CUX1: variants seen among roughly 807,000 people sequenced by gnomAD.
CUX1 encodes protein CASP.
In CUX1, 31 loss-of-function variants were observed where a neutral mutation model predicts 158.8. That is an observed-to-expected ratio of 0.20 (90% CI 0.15 to 0.26). CUX1 has a LOEUF of 0.26. Among genes scored for constraint, CUX1 ranks in the 10% least tolerant of loss-of-function variants. The probability of loss-of-function intolerance (pLI) is 1.00; values close to 1 mark genes in which losing one functional copy is unlikely to be tolerated. For synonymous variants in CUX1, 879 were observed against 862.1 expected (o/e 1.02, Z -0.34); for missense variants, 1,589 against 2,014.6 (o/e 0.79, Z 4.04).
intron 3 of CUX1, among the ~76,000 whole-genome samples, chr7:102,059,026 C>G (rs1462422674): frequency 3.3e-5 from 5 of 152,210 alleles, no homozygotes; most frequent in Non-Finnish European, 2.9e-5. Flanking sequence ...GGCAGGTTTC[C>G]CTGTTGTCTA....
chr7:102,178,389 G>A, intron 10 of CUX1, 80 bp from the exon 11 acceptor site: 1 of 1,338,546 alleles, frequency 7.5e-7, no homozygotes, highest in South Asian at 1.4e-5. Context: ...TGCAGCTTCT[G>A]TCTCAGTTGC....
At chr7:102,198,923 C>A in intron 16 of CUX1, 56 bp downstream of exon 16, 1 of 1,488,826 alleles carries the variant, frequency 6.7e-7, no homozygotes. Flanking sequence ...AGCAGCATGT[C>A]CTTAGCTGTG....
At chr7:102,240,876 A>T (rs1800127908) in intron 23 of CUX1, among the ~76,000 whole-genome samples, 1 of 152,112 alleles carries the variant, frequency 6.6e-6, no homozygotes, top group African/African-American at 2.4e-5. Context: ...GTTGGAGTGC[A>T]GTGGCACGAT....
chr7:102,250,072 AAAG>A lies in CUX1; in HGVS notation c.*1033_*1035del, dbSNP rs1473278693. ...AAAAAGAAAAAAAAAGAAAAAAAAAAAAGAAAAGATCCGAATCTAGGTATTTTA... is the reference window on the plus strand; with the variant it reads ...AAAAAGAAAAAAAAAGAAAAAAAAAAAAAAGATCCGAATCTAGGTATTTTA... On this transcript the variant is annotated 3_prime_UTR_variant, in exon 24 of 24. Coordinates refer to ENST00000292535, the MANE Select transcript of CUX1 (RefSeq NM_181552.4). 2.1e-5 allele frequency: 21 copies of A among 985,022 alleles called. No individual in the cohort carries two copies. In the Admixed American group the frequency reaches 2.5e-4, roughly 12 times the overall value. 61.0% of individuals were successfully genotyped at this position (985,022 alleles called of 1,614,324 possible).
chr7:101,861,062 C>A (rs151067019), intron 1 of CUX1, among the ~76,000 whole-genome samples: 55 of 152,266 alleles, frequency 3.6e-4, no homozygotes, highest in Admixed American at 6.5e-4. Context: ...GGTTTATAGG[C>A]TGAGCCACTG....
chr7:102,229,203 A>G (rs1408758511), intron 21 of CUX1, among the ~76,000 whole-genome samples: 2 of 151,958 alleles, frequency 1.3e-5, no homozygotes, highest in African/African-American at 4.8e-5. Context: ...GGCCTGGCAC[A>G]TGCTCTAGCC....
intron 3 of CUX1, among the ~76,000 whole-genome samples, chr7:102,067,229 C>CTT (rs34912215): frequency 0.059 from 5,531 of 93,954 alleles, 409 homozygotes; most frequent in African/African-American, 0.071. Context: ...TTTCATGTAA[C>CTT]TTTTTTTTTT....
chr7:102,164,434 TCTC>T (rs1294674569), intron 9 of CUX1, among the ~76,000 whole-genome samples: 3 of 152,336 alleles, frequency 2.0e-5, no homozygotes, highest in Middle Eastern at 3.4e-3. Flanking sequence ...AGTGGCATGT[TCTC>T]CTAGCCCACA....
intron 7 of CUX1, 64 bp downstream of exon 7, chr7:102,111,838 C>G: frequency 7.0e-7 from 1 of 1,419,432 alleles, no homozygotes; most frequent in Non-Finnish European, 9.9e-7. Flanking sequence ...GTTGGGTCAG[C>G]CCCTGACCGC....
intron 8 of CUX1, among the ~76,000 whole-genome samples, chr7:102,132,327 GC>G (rs113561735): frequency 0.99 from 148,081 of 149,018 alleles, 73,572 homozygotes; most frequent in Middle Eastern, 1. Flanking sequence ...GCGCGCGCAC[GC>G]CACGCACACA....
chr7:102,116,184 C>T (rs1831422978), intron 8 of CUX1, among the ~76,000 whole-genome samples: 1 of 152,170 alleles, frequency 6.6e-6, no homozygotes, highest in African/African-American at 2.4e-5. Context: ...CTTACTGTCC[C>T]TCTGCCCCAT....
rs1554542046 is a variant in CUX1 at position 102,256,410 on chromosome 7, T to C, written c.*7368T>C. On this transcript the variant is annotated 3_prime_UTR_variant, in exon 24 of 24. Coordinates refer to ENST00000292535, the MANE Select transcript of CUX1 (RefSeq NM_181552.4). ...ATTGTTATTTTGTGTTTTGTTGTCA[T>C]AAATGCTTTTTGCTGTCACTCTAGT... The C allele has an allele frequency of 1.0e-6, 1 of 985,320 alleles. No individual in the cohort carries two copies. The highest frequency in any genetic ancestry group is 1.2e-6 in the Non-Finnish European group (1 of 829,924). 61.0% of individuals were successfully genotyped at this position (985,320 alleles called of 1,614,324 possible).
chr7:101,925,251 G>A (rs903434839), intron 2 of CUX1, among the ~76,000 whole-genome samples: 1 of 152,200 alleles, frequency 6.6e-6, no homozygotes, highest in East Asian at 1.9e-4. Context: ...TGGGACTACA[G>A]GCATGTGCCA....
chr7:101,910,575 G>A (rs1055514173), intron 1 of CUX1, among the ~76,000 whole-genome samples: 1 of 152,042 alleles, frequency 6.6e-6, no homozygotes, highest in Non-Finnish European at 1.5e-5. Flanking sequence ...GGCCAACAAG[G>A]CGAAACCCCC....
chr7:102,073,743 C>T (rs1318331078), intron 4 of CUX1, among the ~76,000 whole-genome samples: 1 of 151,920 alleles, frequency 6.6e-6, no homozygotes, highest in Non-Finnish European at 1.5e-5. Flanking sequence ...CATATTCTGC[C>T]TTTCTCACTT....
At chr7:101,898,254 C>G (rs2131715583) in intron 1 of CUX1, among the ~76,000 whole-genome samples, 1 of 152,320 alleles carries the variant, frequency 6.6e-6, no homozygotes, top group African/African-American at 2.4e-5. Context: ...ATGTAAAAGT[C>G]ACTCTTTAAG....
chr7:101,883,956 C>T (rs1476510985), intron 1 of CUX1, among the ~76,000 whole-genome samples: 1 of 151,492 alleles, frequency 6.6e-6, no homozygotes, highest in East Asian at 1.9e-4. Context: ...TGCAGTGGTG[C>T]AATCATAGCT....
intron 3 of CUX1, among the ~76,000 whole-genome samples, chr7:102,050,931 G>T (rs1823418969): frequency 6.6e-6 from 1 of 152,014 alleles, no homozygotes; most frequent in African/African-American, 2.4e-5. Context: ...CCAGCAGTTG[G>T]CTTTCTCCCT....
chr7:101,894,512 G>A (rs1234706496), intron 1 of CUX1, among the ~76,000 whole-genome samples: 3 of 152,020 alleles, frequency 2.0e-5, no homozygotes, highest in Non-Finnish European at 4.4e-5. Context: ...GGATTTCGCC[G>A]TGTTGGCCAG....
Sources: allele counts gnomAD v4.1 joint callset (sites outside exome capture counted in the v4.1 genomes callset), GRCh38; gene constraint gnomAD v4.1.1; transcripts MANE v1.5; gene names NCBI Gene and HGNC (gene_info 2026-07-23, HGNC 2026-07-21).